Variants in KITLG observed in about 807,000 individuals in gnomAD.
KITLG encodes c-Kit ligand.
A neutral mutation model predicts 34.1 loss-of-function variants in KITLG; 13 were observed. The observed-to-expected ratio is 0.38, with a 90% CI of 0.25 to 0.61. The LOEUF is 0.61. Ranked by LOEUF, KITLG falls within the 20% of genes least tolerant of loss-of-function variation. The pLI is 0.60. For synonymous variants in KITLG, 110 were observed against 104.0 expected, an observed-to-expected ratio of 1.06 and a Z score of -0.35; for missense variants, 292 against 318.9, an observed-to-expected ratio of 0.92 and a Z score of 0.64.
chr12:88,505,858 A>T (rs1359439490), intron 8 of KITLG, among the ~76,000 whole-genome samples: 1 of 152,234 alleles, frequency 6.6e-6, no homozygotes, highest in East Asian at 1.9e-4. Context: ...AGAAAAGATC[A>T]GTGGCAGCAA....
At chr12:88,537,214 G>T (rs1870353280) in intron 2 of KITLG, among the ~76,000 whole-genome samples, 1 of 151,968 alleles carries the variant, frequency 6.6e-6, no homozygotes, top group Admixed American at 6.6e-5. Context: ...GAAAGACATG[G>T]AATCGACCTA....
At chr12:88,548,182 G>A (rs34368593) in intron 1 of KITLG, among the ~76,000 whole-genome samples, 6,413 of 152,222 alleles carry the variant, frequency 0.042, 222 homozygotes, top group Non-Finnish European at 0.064. Context: ...TTGGCCGGGC[G>A]TGGTGGCTCA....
chr12:88,515,823 T>C (rs971821121), intron 5 of KITLG, among the ~76,000 whole-genome samples: 13 of 151,754 alleles, frequency 8.6e-5, no homozygotes, highest in African/African-American at 3.1e-4. Flanking sequence ...CAAATACTTA[T>C]TGAATAAATA....
At chr12:88,499,709 C>T (rs1368790219) in intron 9 of KITLG, among the ~76,000 whole-genome samples, 1 of 152,168 alleles carries the variant, frequency 6.6e-6, no homozygotes, top group Non-Finnish European at 1.5e-5. Flanking sequence ...CCATAGTCTC[C>T]AAATCATTCT....
chr12:88,554,872 T>C (rs925179891), intron 1 of KITLG, among the ~76,000 whole-genome samples: 1 of 152,202 alleles, frequency 6.6e-6, no homozygotes, highest in Non-Finnish European at 1.5e-5. Flanking sequence ...GTAGATTTGT[T>C]AGTTTTTGAA....
chr12:88,549,795 A>G (rs1566031081), intron 1 of KITLG, among the ~76,000 whole-genome samples: 1 of 152,158 alleles, frequency 6.6e-6, no homozygotes, highest in Non-Finnish European at 1.5e-5. Flanking sequence ...AGTGAGTAAA[A>G]GTATAAAAAA....
At chr12:88,571,217 A>G (rs967476870) in intron 1 of KITLG, among the ~76,000 whole-genome samples, 1 of 152,206 alleles carries the variant, frequency 6.6e-6, no homozygotes, top group Non-Finnish European at 1.5e-5. Context: ...CTATTCTTTT[A>G]GAGAAGGAAA....
At chr12:88,559,889 T>C (rs1186049445) in intron 1 of KITLG, among the ~76,000 whole-genome samples, 1 of 152,210 alleles carries the variant, frequency 6.6e-6, no homozygotes, top group Non-Finnish European at 1.5e-5. Context: ...CACATTTCTC[T>C]GGTAACAATA....
intron 1 of KITLG, among the ~76,000 whole-genome samples, chr12:88,560,476 C>T (rs1296939765): frequency 6.6e-6 from 1 of 152,128 alleles, no homozygotes. Context: ...TAAAGATCAG[C>T]CCTGGAAAGT....
chr12:88,518,980 A>G, intron 3 of KITLG, 113 bp from the exon 4 acceptor site: 2 of 916,260 alleles, frequency 2.2e-6, no homozygotes, highest in South Asian at 2.8e-5. Context: ...CTCCTGCCTC[A>G]GCCTCTCGAG....
intron 1 of KITLG, among the ~76,000 whole-genome samples, chr12:88,559,016 T>C (rs1871197547): frequency 6.6e-6 from 1 of 152,180 alleles, no homozygotes; most frequent in Non-Finnish European, 1.5e-5. Context: ...AAATCACCAC[T>C]AAAGAACTTA....
intron 1 of KITLG, among the ~76,000 whole-genome samples, chr12:88,552,965 T>C (rs1870969647): frequency 6.6e-6 from 1 of 152,230 alleles, no homozygotes; most frequent in Non-Finnish European, 1.5e-5. Context: ...ATTCAAACTA[T>C]GGGTGTTATG....
chr12:88,550,938 A>C (rs1262680493), intron 1 of KITLG, among the ~76,000 whole-genome samples: 2 of 152,240 alleles, frequency 1.3e-5, no homozygotes, highest in East Asian at 3.8e-4. Flanking sequence ...TAATAATTGA[A>C]GAATGATTTG....
rs1871124248 is a variant in KITLG, at chr12:88,557,231, GT to G, written c.16-11367del. Among the ~76,000 whole-genome samples, 6 of 152,192 alleles carry G rather than the reference GT, an allele frequency of 3.9e-5. No individual in the cohort carries two copies. In the East Asian group the frequency reaches 7.8e-4, roughly 20 times the overall value. On this transcript the variant is annotated intron_variant, in intron 1 of 9. Transcript: ENST00000644744. ...TTAACAGAGCCAGGTGAGCTCAGAA[GT>G]TTTGACCCTGTGTAAAAATCCCTGA...
chr12:88,551,215 T>C (rs1870902955), intron 1 of KITLG, among the ~76,000 whole-genome samples: 1 of 152,200 alleles, frequency 6.6e-6, no homozygotes, highest in Admixed American at 6.5e-5. Context: ...AAAGAATTCA[T>C]TCTGGCATAG....
chr12:88,552,391 T>C (rs1291817049), intron 1 of KITLG, among the ~76,000 whole-genome samples: 4 of 151,470 alleles, frequency 2.6e-5, no homozygotes, highest in African/African-American at 9.7e-5. Flanking sequence ...AGTTTCACCA[T>C]GTTGGCCAGG....
At chr12:88,500,287 A>G (rs2120784542) in intron 9 of KITLG, among the ~76,000 whole-genome samples, 1 of 152,324 alleles carries the variant, frequency 6.6e-6, no homozygotes, top group Non-Finnish European at 1.5e-5. Context: ...AGGTAACTGT[A>G]TTTGGGTGTG....
At chr12:88,564,538 CA>C (rs1194997893) in intron 1 of KITLG, among the ~76,000 whole-genome samples, 2 of 152,174 alleles carry the variant, frequency 1.3e-5, no homozygotes, top group Admixed American at 6.5e-5. Flanking sequence ...GCCAAATCTG[CA>C]CAAACCATTT....
intron 9 of KITLG, among the ~76,000 whole-genome samples, chr12:88,504,347 T>A (rs951446144): frequency 6.6e-6 from 1 of 152,088 alleles, no homozygotes; most frequent in Middle Eastern, 3.2e-3. Flanking sequence ...GAATTAAAAT[T>A]TTTACAATCT....
Sources: allele counts gnomAD v4.1 joint callset (sites outside exome capture counted in the v4.1 genomes callset), GRCh38; gene constraint gnomAD v4.1.1; transcripts MANE v1.5; gene names NCBI Gene and HGNC (gene_info 2026-07-23, HGNC 2026-07-21).